The following SDK2 variants were observed in gnomAD, a reference collection of about 807,000 sequenced individuals.
SDK2 encodes protein sidekick-2.
In SDK2, 105 loss-of-function variants were observed where a neutral mutation model predicts 253.9. The observed-to-expected ratio is 0.41, with a 90% CI of 0.35 to 0.49. SDK2 has a LOEUF of 0.49. Ranked by LOEUF, SDK2 falls within the 20% of genes least tolerant of loss-of-function variation. SDK2 has a pLI of 0.06. For missense variants in SDK2, 2,608 were observed against 3,003.0 expected (o/e 0.87, Z 3.07); for synonymous variants, 1,249 against 1,234.9 (o/e 1.01, Z -0.24).
intron 3 of SDK2, among the ~76,000 whole-genome samples, chr17:73,468,804 C>G (rs527443536): frequency 3.8e-4 from 58 of 151,310 alleles, no homozygotes; most frequent in African/African-American, 1.3e-3. Flanking sequence ...GGATTACAGG[C>G]TTGAGCCACC....
At chr17:73,380,562 G>A (rs2062821631) in intron 34 of SDK2, among the ~76,000 whole-genome samples, 1 of 152,160 alleles carries the variant, frequency 6.6e-6, no homozygotes, top group African/African-American at 2.4e-5. Context: ...CAGCAACCAC[G>A]TGGACACCTG....
rs1421382461 is a variant in SDK2 at position 73,395,857 on chromosome 17, A to T, written c.3355-465T>A. ...AGGATGAGTGGGGCACCTGCCAGTC[A>T]GGAAGTCCTTCTGTCCAGCAAACCT... On this transcript the variant is annotated intron_variant, in intron 24 of 44. Transcript: ENST00000392650. This position sits in a 1 kb window ranked among gnomAD's most constrained non-coding sequence, Gnocchi z 4.3. Among the ~76,000 whole-genome samples, 1 of 152,104 alleles carries T rather than the reference A, an allele frequency of 6.6e-6. No individual in the cohort carries two copies. The highest frequency in any genetic ancestry group is 6.5e-5 in the Admixed American group (1 of 15,274).
intron 4 of SDK2, among the ~76,000 whole-genome samples, chr17:73,449,797 C>T (rs1323052471): frequency 6.6e-6 from 1 of 151,942 alleles, no homozygotes; most frequent in African/African-American, 2.4e-5. Flanking sequence ...GTGGTGCATG[C>T]CTGTAATCCC....
In SDK2 at chr17:73,401,226, C is replaced by G. The variant is rs555284148; in HGVS notation, c.2780-15G>C. ...GATCCGGTACCCTGGGGAGAGCCGC[C>G]GTGTTGGCATGAGCTTGGCTGTGAT... On this transcript the variant is annotated splice_polypyrimidine_tract_variant and intron_variant, in intron 20 of 44. Transcript: ENST00000392650. 2 of 1,536,714 alleles carry G rather than the reference C, an allele frequency of 1.3e-6. No homozygotes were observed. Among genetic ancestry groups the G allele is most frequent in the Non-Finnish European group, 1.8e-6 (2 of 1,137,230 alleles).
At chr17:73,594,615 A>G (rs2045728076) in intron 1 of SDK2, among the ~76,000 whole-genome samples, 1 of 152,144 alleles carries the variant, frequency 6.6e-6, no homozygotes, top group Non-Finnish European at 1.5e-5. Context: ...CACACAACAC[A>G]TACAAATACA....
intron 12 of SDK2, among the ~76,000 whole-genome samples, chr17:73,425,357 A>G (rs889744653): frequency 3.9e-5 from 6 of 152,244 alleles, no homozygotes; most frequent in Admixed American, 2.0e-4. Context: ...AACCACGATT[A>G]ACATTTGAAT....
intron 39 of SDK2, among the ~76,000 whole-genome samples, chr17:73,358,927 G>A (rs1255346716): frequency 6.6e-6 from 1 of 151,968 alleles, no homozygotes; most frequent in Non-Finnish European, 1.5e-5. Flanking sequence ...GAGGGAGCCG[G>A]CCCTAGGAGC....
intron 22 of SDK2, 88 bp from the exon 23 acceptor site, chr17:73,398,517 A>AAGTTGGT: frequency 2.5e-6 from 3 of 1,184,170 alleles, no homozygotes; most frequent in Non-Finnish European, 3.7e-6. Flanking sequence ...GCCAGGGAAG[A>AAGTTGGT]AGTTGGTTCA....
chr17:73,471,155 A>AG (rs1224383040), intron 3 of SDK2, among the ~76,000 whole-genome samples: 1 of 152,096 alleles, frequency 6.6e-6, no homozygotes, highest in Non-Finnish European at 1.5e-5. Context: ...TCTGCCCCCC[A>AG]GCCTTTCTGG....
chr17:73,387,586 T>C (rs531821177), intron 30 of SDK2, among the ~76,000 whole-genome samples: 24 of 152,344 alleles, frequency 1.6e-4, no homozygotes, highest in South Asian at 1.4e-3. Flanking sequence ...GGGGGACTTC[T>C]AGGCTCCAGA....
intron 2 of SDK2, among the ~76,000 whole-genome samples, chr17:73,483,346 C>G (rs1211930568): frequency 7.6e-6 from 1 of 130,842 alleles, no homozygotes; most frequent in Non-Finnish European, 1.6e-5. Flanking sequence ...GGAGTCTCAT[C>G]CTTTTGCTCA....
At chr17:73,521,401 C>A (rs2064078358) in intron 1 of SDK2, 11 of 152,124 alleles carry the variant, frequency 7.2e-5, no homozygotes, top group Admixed American at 7.2e-4. Context: ...AAAAAACATA[C>A]AATGGGTGCC....
intron 32 of SDK2, 22 bp downstream of exon 32, chr17:73,385,825 T>G: frequency 6.3e-7 from 1 of 1,590,642 alleles, no homozygotes; most frequent in Non-Finnish European, 8.6e-7. Flanking sequence ...TTCACGGAGG[T>G]TTCCTGCCCG....
intron 29 of SDK2, among the ~76,000 whole-genome samples, chr17:73,388,784 TTCCTTCCC>T (rs1198067554): frequency 1.9e-5 from 2 of 106,670 alleles, no homozygotes; most frequent in South Asian, 4.4e-4. Context: ...CCTTCCTTCC[TTCCTTCCC>T]TCCCTCCTTC....
intron 1 of SDK2, among the ~76,000 whole-genome samples, chr17:73,604,785 A>G (rs1336652035): frequency 6.6e-6 from 1 of 152,220 alleles, no homozygotes; most frequent in Non-Finnish European, 1.5e-5. Flanking sequence ...AAGGACTGGA[A>G]GACCACGCCG....
chr17:73,581,067 G>T (rs924587526), intron 1 of SDK2, among the ~76,000 whole-genome samples: 1 of 151,510 alleles, frequency 6.6e-6, no homozygotes, highest in African/African-American at 2.4e-5. Flanking sequence ...TTTTTTCAGA[G>T]ATAGGGTCTC....
At chr17:73,555,376 G>A (rs975935856) in intron 1 of SDK2, among the ~76,000 whole-genome samples, 2 of 152,242 alleles carry the variant, frequency 1.3e-5, no homozygotes, top group African/African-American at 2.4e-5. Context: ...ATGTGAATGG[G>A]AGTATTCCTG....
At chr17:73,607,537 G>T (rs752317039) in intron 1 of SDK2, among the ~76,000 whole-genome samples, 3 of 152,146 alleles carry the variant, frequency 2.0e-5, no homozygotes, top group Non-Finnish European at 2.9e-5. Context: ...GTCTCGGGTG[G>T]GAGAGCAGGT....
At chr17:73,453,370 G>GTTTTTTTTTT (rs34814268) in intron 4 of SDK2, among the ~76,000 whole-genome samples, 1 of 141,226 alleles carries the variant, frequency 7.1e-6, no homozygotes, top group Non-Finnish European at 1.5e-5. Context: ...CTGAGCTGGG[G>GTTTTTTTTTT]TTTTTTTTTT....
Sources: gnomAD v4.1 joint callset for allele counts (sites outside exome capture counted in the v4.1 genomes callset) on GRCh38, gnomAD v4.1.1 for gene constraint, Gnocchi (gnomAD v3.1) non-coding constraint, MANE v1.5 for transcripts, NCBI Gene and HGNC (gene_info 2026-07-23, HGNC 2026-07-21) for gene names.